FRYL: variants seen among roughly 807,000 people sequenced by gnomAD.
FRYL encodes the protein protein furry homolog-like.
FRYL carries 150 observed loss-of-function variants against 351.2 expected under a neutral mutation model. That is an observed-to-expected ratio of 0.43 (90% confidence interval 0.37 to 0.49). FRYL has a LOEUF of 0.49. FRYL is among the 20% of genes least tolerant of loss of function. The pLI is 0.00. For synonymous variants in FRYL, 1,153 were observed against 1,257.1 expected (o/e 0.92, Z 1.75); for missense variants, 3,036 against 3,619.3 (o/e 0.84, Z 4.13).
At chr4:48,531,074 ATGTT>A in intron 50 of FRYL, 78 bp downstream of exon 50, 2 of 946,362 alleles carry the variant, frequency 2.1e-6, no homozygotes, top group South Asian at 1.5e-5. Context: ...AGCTCAATCA[ATGTT>A]TGTTAAATCA....
At position 48,590,126 on chromosome 4, in the gene FRYL, C is replaced by G. The variant is rs140094911; in HGVS notation, c.1508-249G>C. Among the ~76,000 whole-genome samples, 99 of 152,186 alleles carry G rather than the reference C, an allele frequency of 6.5e-4. 1 individual carries two copies. The highest frequency in any genetic ancestry group is 3.7e-3 in the Admixed American group (57 of 15,282). On this transcript the variant is annotated intron_variant, in intron 17 of 63. Transcript: ENST00000358350. ...AGGACAGAATGCAGTGAATAGGATC[C>G]TGTGATAAAGATTTAACTGGAAAAC...
intron 60 of FRYL, among the ~76,000 whole-genome samples, chr4:48,505,063 CCTTT>C (rs1450666631): frequency 1.3e-5 from 2 of 152,064 alleles, no homozygotes; most frequent in Non-Finnish European, 2.9e-5. Flanking sequence ...TGTATGTGCA[CCTTT>C]CTAAGAAAAT....
intron 3 of FRYL, among the ~76,000 whole-genome samples, chr4:48,657,513 C>A (rs181087503): frequency 6.6e-6 from 1 of 152,110 alleles, no homozygotes; most frequent in African/African-American, 2.4e-5. Flanking sequence ...TCACGGCCAC[C>A]GCCTAGAGCT....
chr4:48,527,463 G>C lies in FRYL; in HGVS notation c.7317+14C>G. ...TGTTCTATAAATATTAACAGAGAAA[G>C]CCCACATCCTTACCTCTGCATCTTC... On this transcript the variant is annotated intron_variant, in intron 53 of 63. Transcript: ENST00000358350. 6.3e-7 allele frequency: 1 copy of C among 1,595,062 alleles called. No homozygotes were observed. The highest frequency in any genetic ancestry group is 8.6e-7 in the Non-Finnish European group (1 of 1,167,494).
intron 11 of FRYL, among the ~76,000 whole-genome samples, chr4:48,604,431 T>C (rs1746327213): frequency 6.6e-6 from 1 of 152,214 alleles, no homozygotes; most frequent in Admixed American, 6.5e-5. Context: ...CAGATCACAT[T>C]AATTAAGTTA....
chr4:48,585,173 A>T (rs1741829700), intron 19 of FRYL, among the ~76,000 whole-genome samples: 1 of 152,226 alleles, frequency 6.6e-6, no homozygotes, highest in African/African-American at 2.4e-5. Flanking sequence ...CTGCTCTCCC[A>T]AGGAATAGTA....
At chr4:48,561,094 T>G (rs1735408928) in intron 33 of FRYL, among the ~76,000 whole-genome samples, 1 of 152,242 alleles carries the variant, frequency 6.6e-6, no homozygotes, top group East Asian at 1.9e-4. Context: ...TATAACTTTA[T>G]CCCTGCCTAT....
intron 3 of FRYL, among the ~76,000 whole-genome samples, chr4:48,677,613 G>T (rs1388131605): frequency 2.0e-5 from 3 of 152,068 alleles, no homozygotes; most frequent in Non-Finnish European, 2.9e-5. Context: ...GTTTTGCCAT[G>T]TTGGCCAGAC....
In FRYL at chr4:48,593,794, G is replaced by A. The variant is rs188051199; in HGVS notation, c.1335+136C>T. Reference sequence around the variant, plus strand: ...AACCATTCGGCCAGCTATTAGAAAGGTTAAGTAACTTGTCCTGGATCACAG... The same window carrying A: ...AACCATTCGGCCAGCTATTAGAAAGATTAAGTAACTTGTCCTGGATCACAG... On this transcript the variant is annotated intron_variant, in intron 16 of 63. Coordinates refer to ENST00000358350, the MANE Select transcript of FRYL (RefSeq NM_015030.2). 26 of 469,448 alleles carry A rather than the reference G, an allele frequency of 5.5e-5. 1 individual carries two copies. The highest frequency in any genetic ancestry group is 2.5e-4 in the Admixed American group (6 of 23,730). The allele number at this position is 469,448 out of a possible 1,614,324, so 29.1% of individuals were successfully genotyped here. A position where few individuals can be genotyped will look rare whatever the true frequency, so the allele number is the denominator to read the frequency against.
At chr4:48,502,030 T>C (rs1171905802) in intron 61 of FRYL, among the ~76,000 whole-genome samples, 1 of 152,220 alleles carries the variant, frequency 6.6e-6, no homozygotes, top group East Asian at 1.9e-4. Flanking sequence ...TTCATTAGAA[T>C]TTAAAACTTT....
intron 4 of FRYL, among the ~76,000 whole-genome samples, chr4:48,633,195 T>C (rs1753601394): frequency 1.3e-5 from 2 of 152,156 alleles, no homozygotes; most frequent in African/African-American, 4.8e-5. Context: ...CTATTTAAGT[T>C]GGCAGAGAGT....
At chr4:48,728,194 A>G (rs1239954624) in intron 1 of FRYL, among the ~76,000 whole-genome samples, 1 of 152,246 alleles carries the variant, frequency 6.6e-6, no homozygotes, top group Non-Finnish European at 1.5e-5. Context: ...CATTGGAATT[A>G]TCAGATCAGG....
rs141893587 is a variant in FRYL, at chr4:48,549,706, A to C, written c.4634-83T>G. 67 of 1,163,990 alleles carry C rather than the reference A, an allele frequency of 5.8e-5. No homozygotes were observed. In the African/African-American group the frequency reaches 9.4e-4, roughly 16 times the overall value. The allele number at this position is 1,163,990 out of a possible 1,614,324, so 72.1% of individuals were successfully genotyped here. The stretch of plus-strand genomic sequence containing the variant: ...AACTCTAGTAAGATCCCAACTATTT[A>C]TATAGTATTGGAAAGTGATAAAAAA... On this transcript the variant is annotated intron_variant, in intron 38 of 63. Coordinates refer to ENST00000358350, the MANE Select transcript of FRYL (RefSeq NM_015030.2). The surrounding 1 kb of genome is among the most constrained non-coding windows in gnomAD (Gnocchi z 4.2).
chr4:48,676,906 T>C (rs1011921992), intron 3 of FRYL, among the ~76,000 whole-genome samples: 4 of 152,264 alleles, frequency 2.6e-5, no homozygotes, highest in African/African-American at 9.6e-5. Context: ...AATATTTAAT[T>C]GAATTACATA....
chr4:48,702,226 C>T (rs1239802293), intron 2 of FRYL, among the ~76,000 whole-genome samples: 12 of 151,728 alleles, frequency 7.9e-5, no homozygotes, highest in Non-Finnish European at 1.2e-4. Context: ...GAGGCTGAGG[C>T]GGGCGGATCA....
At chr4:48,752,567 G>C (rs911541945) in intron 1 of FRYL, among the ~76,000 whole-genome samples, 28 of 152,146 alleles carry the variant, frequency 1.8e-4, no homozygotes, top group South Asian at 1.2e-3. Flanking sequence ...TTTTTCTCTG[G>C]TGATATGTGC....
chr4:48,507,763 C>T (rs1721566595), intron 59 of FRYL, among the ~76,000 whole-genome samples: 1 of 152,002 alleles, frequency 6.6e-6, no homozygotes, highest in Non-Finnish European at 1.5e-5. Flanking sequence ...GGCCAATATC[C>T]TGGAGAAAAG....
rs760539562 is a variant in FRYL at position 48,543,881 on chromosome 4, G to A, written c.5518C>T (p.Leu1840Phe). 2 of 1,613,902 alleles carry A rather than the reference G, an allele frequency of 1.2e-6. No individual in the cohort carries two copies. Among genetic ancestry groups the A allele is most frequent in the East Asian group, 2.2e-5 (1 of 44,870 alleles). ...ACATCAGAAAGTGTAGTTGCAGTGA[G>A]AGGCTGCTTTAGGGCCCTGAAAATC... ...FQIFRALKQPLTATTLSDVLS... is the reference protein window; with the variant it reads ...FQIFRALKQPFTATTLSDVLS... Residue 1840 changes from leucine to phenylalanine, a missense_variant, in exon 44 of 64, where the codon CTC becomes TTC. By Grantham distance (22) the Leu-to-Phe change is conservative. Coordinates refer to ENST00000358350, the MANE Select transcript of FRYL (RefSeq NM_015030.2).
In FRYL at chr4:48,561,715, A is replaced by T. The variant is rs186049764; in HGVS notation, c.3697-79T>A. ...GTTTAACTATAATTTTATAATTTTT[A>T]AAAAAACTCTTCTCCCCAGCTGAGT... On this transcript the variant is annotated intron_variant, in intron 32 of 63. Coordinates refer to ENST00000358350, the MANE Select transcript of FRYL (RefSeq NM_015030.2). 3,871 of 1,148,772 alleles carry T rather than the reference A, an allele frequency of 3.4e-3. 18 individuals carry two copies. The highest frequency in any genetic ancestry group is 4.0e-3 in the Non-Finnish European group (3,291 of 827,880). 71.2% of individuals were successfully genotyped at this position (1,148,772 alleles called of 1,614,324 possible).
Sources: gnomAD v4.1 joint callset for allele counts (sites outside exome capture counted in the v4.1 genomes callset) on GRCh38, gnomAD v4.1.1 for gene constraint, Gnocchi (gnomAD v3.1) non-coding constraint, MANE v1.5 for transcripts, NCBI Gene and HGNC (gene_info 2026-07-23, HGNC 2026-07-21) for gene names.